Variants in ELMO1 observed in about 807,000 individuals in gnomAD.
ELMO1 encodes engulfment and cell motility 1.
A neutral mutation model predicts 98.9 loss-of-function variants in ELMO1; 26 were observed. The ratio of observed to expected loss-of-function variants is 0.26; its 90% CI spans 0.19 to 0.36. The LOEUF (loss-of-function observed/expected upper bound fraction) is 0.36, where lower values mean the gene tolerates loss of function less well. ELMO1 is among the 10% of genes least tolerant of loss of function. ELMO1 has a pLI of 1.00. For missense variants in ELMO1, 627 were observed against 935.2 expected, an observed-to-expected ratio of 0.67 and a Z score of 4.30; for synonymous variants, 346 against 346.0, an observed-to-expected ratio of 1.00 and a Z score of 0.00.
At chr7:37,098,705 C>T (rs1784487808) in intron 14 of ELMO1, among the ~76,000 whole-genome samples, 2 of 152,138 alleles carry the variant, frequency 1.3e-5, no homozygotes, top group African/African-American at 4.8e-5. Context: ...ACCAGAAATT[C>T]CCATTCCAGA....
At chr7:37,281,243 G>T (rs879137967) in intron 4 of ELMO1, among the ~76,000 whole-genome samples, 2 of 151,302 alleles carry the variant, frequency 1.3e-5, no homozygotes, top group Admixed American at 6.6e-5. Flanking sequence ...AGAGCGGGAG[G>T]GGGGTGAGGG....
chr7:37,304,702 C>T (rs981589611), intron 4 of ELMO1, among the ~76,000 whole-genome samples: 20 of 152,058 alleles, frequency 1.3e-4, no homozygotes, highest in African/African-American at 3.6e-4. Flanking sequence ...GGCGACAGAG[C>T]GAGACTCTGT....
chr7:37,417,781 G>T (rs145883753), intron 1 of ELMO1, among the ~76,000 whole-genome samples: 1 of 152,194 alleles, frequency 6.6e-6, no homozygotes, highest in Non-Finnish European at 1.5e-5. Flanking sequence ...GGCAGAGGTT[G>T]CAGTGAGTCG....
chr7:37,335,995 G>C (rs989610476), intron 2 of ELMO1, among the ~76,000 whole-genome samples: 1 of 152,158 alleles, frequency 6.6e-6, no homozygotes, highest in African/African-American at 2.4e-5. Flanking sequence ...GGGAGGCTGA[G>C]GTGGGAGGAT....
chr7:37,171,892 A>G (rs544845372), intron 13 of ELMO1, among the ~76,000 whole-genome samples: 7 of 152,162 alleles, frequency 4.6e-5, no homozygotes, highest in Non-Finnish European at 8.8e-5. Context: ...CATCAGATTC[A>G]ATCCAAAGAC....
At chr7:37,260,466 G>A (rs1271417459) in intron 5 of ELMO1, among the ~76,000 whole-genome samples, 1 of 152,098 alleles carries the variant, frequency 6.6e-6, no homozygotes, top group Non-Finnish European at 1.5e-5. Context: ...ACCAGTGCTG[G>A]CCACAGACTC....
chr7:37,224,185 G>T (rs1279229767), intron 9 of ELMO1, among the ~76,000 whole-genome samples: 1 of 152,110 alleles, frequency 6.6e-6, no homozygotes, highest in African/African-American at 2.4e-5. Flanking sequence ...TATTATCACT[G>T]CAATCCAAAA....
At chr7:37,217,547 C>G (rs918687398) in intron 10 of ELMO1, among the ~76,000 whole-genome samples, 5 of 151,172 alleles carry the variant, frequency 3.3e-5, no homozygotes, top group East Asian at 3.9e-4. Context: ...AAAACTCAAC[C>G]ATGATTTCTA....
At chr7:36,976,207 A>G (rs888507315) in intron 16 of ELMO1, among the ~76,000 whole-genome samples, 5 of 152,186 alleles carry the variant, frequency 3.3e-5, no homozygotes, top group Non-Finnish European at 7.3e-5. Flanking sequence ...GCCATCATCC[A>G]CTAATGCCTG....
chr7:37,121,007 G>A (rs1363440865), intron 14 of ELMO1, among the ~76,000 whole-genome samples: 1 of 152,318 alleles, frequency 6.6e-6, no homozygotes, highest in East Asian at 1.9e-4. Context: ...TGATACCCAG[G>A]CAAACAGAGT....
chr7:37,415,179 C>G (rs1179809831), intron 1 of ELMO1, among the ~76,000 whole-genome samples: 1 of 152,192 alleles, frequency 6.6e-6, no homozygotes, highest in African/African-American at 2.4e-5. Flanking sequence ...CAATCTGGAG[C>G]CTTGTTGGAA....
At chr7:37,196,866 G>A (rs1275371182) in intron 13 of ELMO1, among the ~76,000 whole-genome samples, 1 of 152,160 alleles carries the variant, frequency 6.6e-6, no homozygotes, top group Non-Finnish European at 1.5e-5. Flanking sequence ...ATGAGATACT[G>A]CATATGGGAA....
intron 14 of ELMO1, among the ~76,000 whole-genome samples, chr7:37,096,958 G>T (rs1200626552): frequency 6.6e-6 from 1 of 152,134 alleles, no homozygotes; most frequent in African/African-American, 2.4e-5. Flanking sequence ...TATTTTGCTT[G>T]TTCGTTCCCA....
At chr7:37,347,449 G>A (rs907011307) in intron 1 of ELMO1, among the ~76,000 whole-genome samples, 20 of 152,270 alleles carry the variant, frequency 1.3e-4, no homozygotes, top group Middle Eastern at 3.4e-3. Context: ...GAAGGGACCC[G>A]GTGGGAGATA....
chr7:37,279,121 G>C (rs1192714732), intron 4 of ELMO1, among the ~76,000 whole-genome samples: 1 of 152,174 alleles, frequency 6.6e-6, no homozygotes, highest in Non-Finnish European at 1.5e-5. Context: ...AGAATCGCTT[G>C]AAACTGGAAG....
chr7:36,857,914 T>C (rs991561694), intron 21 of ELMO1, among the ~76,000 whole-genome samples: 1 of 152,160 alleles, frequency 6.6e-6, no homozygotes, highest in African/African-American at 2.4e-5. Flanking sequence ...GCCAGAAAGT[T>C]ATCAAAGACG....
chr7:36,881,911 C>T (rs887384355), intron 18 of ELMO1, among the ~76,000 whole-genome samples: 3 of 152,154 alleles, frequency 2.0e-5, no homozygotes, highest in African/African-American at 4.8e-5. Context: ...CTTAAACAGC[C>T]GTAGGTAGTT....
At chr7:37,030,907 G>A (rs1040325873) in intron 15 of ELMO1, among the ~76,000 whole-genome samples, 4 of 151,982 alleles carry the variant, frequency 2.6e-5, no homozygotes, top group African/African-American at 7.3e-5. Flanking sequence ...TATTGGACAC[G>A]CCCATCTTAG....
chr7:37,436,292 G>T (rs1057047934), intron 1 of ELMO1, among the ~76,000 whole-genome samples: 1 of 152,106 alleles, frequency 6.6e-6, no homozygotes, highest in African/African-American at 2.4e-5. Context: ...GCTACACAGC[G>T]GACACTGTAG....
Sources: gnomAD v4.1 joint callset for allele counts (sites outside exome capture counted in the v4.1 genomes callset) on GRCh38, gnomAD v4.1.1 for gene constraint, MANE v1.5 for transcripts, NCBI Gene and HGNC (gene_info 2026-07-23, HGNC 2026-07-21) for gene names.